UBE4B: variants seen among roughly 807,000 people sequenced by gnomAD.
The protein encoded by UBE4B is ubiquitin conjugation factor E4 B.
In UBE4B, 27 loss-of-function variants were observed where a neutral mutation model predicts 148.1. The ratio of observed to expected loss-of-function variants is 0.18; its 90% CI spans 0.13 to 0.25. The LOEUF (loss-of-function observed/expected upper bound fraction) is 0.25, where lower values mean the gene tolerates loss of function less well. Among genes scored for constraint, UBE4B ranks in the 10% least tolerant of loss-of-function variants. The pLI, the probability that UBE4B is intolerant of heterozygous loss-of-function variation, is 1.00. For synonymous variants in UBE4B, 596 were observed against 619.3 expected, an observed-to-expected ratio of 0.96 and a Z score of 0.56; for missense variants, 1,170 against 1,662.4, an observed-to-expected ratio of 0.70 and a Z score of 5.15.
At chr1:10,065,042 T>G (rs1469757921) in intron 1 of UBE4B, among the ~76,000 whole-genome samples, 1 of 152,108 alleles carries the variant, frequency 6.6e-6, no homozygotes, top group African/African-American at 2.4e-5. Flanking sequence ...GGATTAAAGG[T>G]GTGAGCCACC....
At chr1:10,062,310 G>A (rs1017219939) in intron 1 of UBE4B, among the ~76,000 whole-genome samples, 2 of 150,660 alleles carry the variant, frequency 1.3e-5, no homozygotes, top group African/African-American at 4.9e-5. Context: ...TTCGATGTGT[G>A]TTTTTTTGTT....
intron 25 of UBE4B, among the ~76,000 whole-genome samples, chr1:10,171,619 C>T (rs538528350): frequency 1.3e-5 from 2 of 152,164 alleles, no homozygotes; most frequent in Non-Finnish European, 1.5e-5. Flanking sequence ...CGGTGGCTCA[C>T]GCCTGTAATC....
Position 10,173,581 on chromosome 1 carries a change from C to G in UBE4B, c.3525+2252C>G, listed in dbSNP as rs557493449. On this transcript the variant is annotated intron_variant, in intron 25 of 27. Transcript: ENST00000343090. ...ACTGCACTGATTTAGAAACAGAAAG[C>G]AAGTCATAGCCTGCAGTGAGGGAAA... Among the ~76,000 whole-genome samples the G allele has an allele frequency of 9.2e-5, 14 of 152,142 alleles. No individual in the cohort carries two copies. In the South Asian group the frequency reaches 2.9e-3, roughly 32 times the overall value.
At chr1:10,051,827 C>A (rs796543459) in intron 1 of UBE4B, among the ~76,000 whole-genome samples, 35 of 152,312 alleles carry the variant, frequency 2.3e-4, no homozygotes, top group African/African-American at 8.2e-4. Flanking sequence ...TTGTACCCCT[C>A]CCAGCAGGGG....
At chr1:10,084,678 T>C (rs547000890) in intron 2 of UBE4B, among the ~76,000 whole-genome samples, 3 of 152,170 alleles carry the variant, frequency 2.0e-5, no homozygotes, top group Non-Finnish European at 4.4e-5. Flanking sequence ...GTTTTCCTTT[T>C]TTTCTTTCTT....
intron 1 of UBE4B, among the ~76,000 whole-genome samples, chr1:10,039,996 G>A (rs2101769386): frequency 6.6e-6 from 1 of 152,158 alleles, no homozygotes; most frequent in South Asian, 2.1e-4. Context: ...TCAGTTAGCT[G>A]TGAAGGAGGG....
At chr1:10,153,490 TAAAAAAAAAAAAA>T (rs1045427991) in intron 21 of UBE4B, among the ~76,000 whole-genome samples, 2 of 49,200 alleles carry the variant, frequency 4.1e-5, no homozygotes, top group East Asian at 6.7e-4. Context: ...ACCCTGTTTC[TAAAAAAAAAAAAA>T]AAAAAAAAAA....
intron 17 of UBE4B, among the ~76,000 whole-genome samples, chr1:10,142,549 T>A (rs1437121830): frequency 1.3e-5 from 2 of 151,852 alleles, no homozygotes; most frequent in Non-Finnish European, 2.9e-5. Flanking sequence ...TGCATGCATG[T>A]AGTCCCAGCT....
rs1321469628 is a variant in UBE4B, at chr1:10,168,435, G to A, written c.3333+165G>A. Among the ~76,000 whole-genome samples, 3 of 152,204 alleles carry A rather than the reference G, an allele frequency of 2.0e-5. No homozygotes were observed. The highest frequency in any genetic ancestry group is 4.4e-5 in the Non-Finnish European group (3 of 68,030). On this transcript the variant is annotated intron_variant, in intron 24 of 27. Transcript: ENST00000343090. The surrounding 1 kb of genome is among the most constrained non-coding windows in gnomAD (Gnocchi z 4.9). Reference sequence around the variant, plus strand: ...TTCCCAGTTATGCTAATTGATACCAGACTCTGTTGATGGACTGAAGAGCAG... The same window carrying A: ...TTCCCAGTTATGCTAATTGATACCAAACTCTGTTGATGGACTGAAGAGCAG...
chr1:10,160,595 C>T (rs1343095927), intron 22 of UBE4B, among the ~76,000 whole-genome samples: 2 of 152,024 alleles, frequency 1.3e-5, no homozygotes, highest in East Asian at 1.9e-4. Context: ...TGTCATCAGC[C>T]GTGCAAGGTG....
chr1:10,105,501 C>G lies in UBE4B; in HGVS notation c.581-15C>G, dbSNP rs776863634. The stretch of plus-strand genomic sequence containing the variant: ...AACTGTGTGTAACCTGTTCTTTGTT[C>G]TGCCTTTCCAACAGTATTCTCCGAT... On this transcript the variant is annotated splice_polypyrimidine_tract_variant and intron_variant, in intron 5 of 27. Transcript: ENST00000343090. 1.2e-6 allele frequency: 2 copies of G among 1,612,274 alleles called. No individual in the cohort carries two copies. The highest frequency in any genetic ancestry group is 2.2e-5 in the South Asian group (2 of 91,008).
intron 7 of UBE4B, among the ~76,000 whole-genome samples, chr1:10,114,946 G>C (rs1188448635): frequency 6.6e-6 from 1 of 152,090 alleles, no homozygotes; most frequent in African/African-American, 2.4e-5. Context: ...TGACTCTGGC[G>C]AGGGCTTTGT....
intron 2 of UBE4B, among the ~76,000 whole-genome samples, chr1:10,094,555 T>C: frequency 6.6e-6 from 1 of 151,618 alleles, no homozygotes; most frequent in East Asian, 1.9e-4. Context: ...TGCCTCAGCC[T>C]CCTGAGTAGC....
chr1:10,067,619 A>G (rs111257057), intron 1 of UBE4B, among the ~76,000 whole-genome samples: 5 of 150,572 alleles, frequency 3.3e-5, no homozygotes, highest in African/African-American at 1.2e-4. Flanking sequence ...AATTAGATAC[A>G]CTTTTTTTTT....
At chr1:10,100,734 A>G (rs1042527123) in intron 3 of UBE4B, 1 of 182,336 alleles carries the variant, frequency 5.5e-6, no homozygotes, top group South Asian at 1.1e-4. Flanking sequence ...TTATATTTTT[A>G]GTAGAGATGG....
intron 17 of UBE4B, among the ~76,000 whole-genome samples, chr1:10,138,377 G>A (rs1407662498): frequency 2.0e-5 from 3 of 152,036 alleles, no homozygotes; most frequent in East Asian, 1.9e-4. Context: ...AATTACAGGC[G>A]TGAGCCCATG....
chr1:10,139,292 A>G (rs116692329), intron 17 of UBE4B, among the ~76,000 whole-genome samples: 2,627 of 152,200 alleles, frequency 0.017, 35 homozygotes, highest in Non-Finnish European at 0.027. Context: ...TTGGGAGGCT[A>G]TAGCAGGAGA....
chr1:10,091,211 A>G (rs1301519229), intron 2 of UBE4B, among the ~76,000 whole-genome samples: 2 of 152,156 alleles, frequency 1.3e-5, no homozygotes, highest in Admixed American at 6.6e-5. Context: ...ATTCTTTAAT[A>G]TCTGGCTTTG....
At chr1:10,051,540 C>T (rs918807558) in intron 1 of UBE4B, among the ~76,000 whole-genome samples, 6 of 152,126 alleles carry the variant, frequency 3.9e-5, no homozygotes, top group Non-Finnish European at 8.8e-5. Flanking sequence ...TCCTCTCCCC[C>T]GACCCATTAG....
Sources: gnomAD v4.1 joint callset for allele counts (sites outside exome capture counted in the v4.1 genomes callset) on GRCh38, gnomAD v4.1.1 for gene constraint, Gnocchi (gnomAD v3.1) non-coding constraint, MANE v1.5 for transcripts, NCBI Gene and HGNC (gene_info 2026-07-23, HGNC 2026-07-21) for gene names.